SORBS2: variants seen among roughly 807,000 people sequenced by gnomAD.
The protein encoded by SORBS2 is sorbin and SH3 domain containing 2.
In SORBS2, 46 loss-of-function variants were observed where a neutral mutation model predicts 97.7. The observed-to-expected ratio is 0.47, with a 90% CI of 0.37 to 0.60. The LOEUF (loss-of-function observed/expected upper bound fraction) is 0.60, where lower values mean the gene tolerates loss of function less well. Ranked by LOEUF, SORBS2 falls within the 20% of genes least tolerant of loss-of-function variation. The pLI is 0.00. For synonymous variants in SORBS2, 476 were observed against 473.4 expected, an observed-to-expected ratio of 1.01 and a Z score of -0.07; for missense variants, 1,316 against 1,282.3, an observed-to-expected ratio of 1.03 and a Z score of -0.40.
chr4:185,613,429 C>A (rs901300366), intron 11 of SORBS2, among the ~76,000 whole-genome samples: 26 of 152,144 alleles, frequency 1.7e-4, no homozygotes, highest in Non-Finnish European at 2.9e-5. Flanking sequence ...GCGGGCGGAT[C>A]ATGAGGTCAG....
At chr4:185,942,433 C>G (rs1411576847) in intron 1 of SORBS2, among the ~76,000 whole-genome samples, 2 of 151,842 alleles carry the variant, frequency 1.3e-5, no homozygotes, top group South Asian at 2.1e-4. Context: ...TCACTGCAAC[C>G]TCTGCCTCCC....
chr4:185,656,585 A>T (rs1301131412), intron 1 of SORBS2: 1 of 1,472,624 alleles, frequency 6.8e-7, no homozygotes, highest in Admixed American at 2.0e-5. Context: ...ATGCAGCTGC[A>T]GTCCCTCCCC....
At chr4:185,803,878 A>C (rs1332262969) in intron 1 of SORBS2, among the ~76,000 whole-genome samples, 1 of 152,198 alleles carries the variant, frequency 6.6e-6, no homozygotes, top group Admixed American at 6.5e-5. Flanking sequence ...CCTTCTCCCA[A>C]AACAGATATG....
chr4:185,899,392 C>T lies in SORBS2; in HGVS notation c.-338+56804G>A, dbSNP rs1435827965. On this transcript the variant is annotated intron_variant, in intron 1 of 20. Coordinates refer to the SORBS2 transcript ENST00000284776. ...TTTTATTTTAGAGTGTAGATTCTGT[C>T]GTTCTCGAAAATCTTTTTCATTTTG... is the stretch of plus-strand genomic sequence containing the variant. Among the ~76,000 whole-genome samples the T allele has an allele frequency of 4.0e-5, 6 of 150,674 alleles. No homozygotes were observed. The South Asian group carries it at 6.4e-4, about 16-fold the overall frequency.
At chr4:185,856,251 C>A (rs1464805021) in intron 1 of SORBS2, among the ~76,000 whole-genome samples, 1 of 152,188 alleles carries the variant, frequency 6.6e-6, no homozygotes, top group Non-Finnish European at 1.5e-5. Context: ...ATTCTAATTT[C>A]ATTCTTCCCA....
At chr4:185,592,293 C>G (rs73876113) in intron 13 of SORBS2, among the ~76,000 whole-genome samples, 2,258 of 152,302 alleles carry the variant, frequency 0.015, 51 homozygotes, top group African/African-American at 0.051. Context: ...TAAAATCCCA[C>G]TAATTCAGGC....
At chr4:185,954,000 C>T (rs1316619929) in intron 1 of SORBS2, among the ~76,000 whole-genome samples, 1 of 152,224 alleles carries the variant, frequency 6.6e-6, no homozygotes, top group Non-Finnish European at 1.5e-5. Flanking sequence ...CTTAAGTTAA[C>T]TCATCTCTTG....
intron 1 of SORBS2, among the ~76,000 whole-genome samples, chr4:185,819,798 G>A: frequency 6.6e-6 from 1 of 152,124 alleles, no homozygotes; most frequent in East Asian, 1.9e-4. Flanking sequence ...CAGACTCAAA[G>A]CATTGCCATC....
chr4:185,789,063 C>A (rs149070947), intron 1 of SORBS2, among the ~76,000 whole-genome samples: 4 of 152,180 alleles, frequency 2.6e-5, no homozygotes, highest in Non-Finnish European at 4.4e-5. Context: ...AACACACCTG[C>A]GCTCTGGACT....
At chr4:185,798,200 C>T (rs2099114743) in intron 1 of SORBS2, among the ~76,000 whole-genome samples, 2 of 152,194 alleles carry the variant, frequency 1.3e-5, no homozygotes, top group African/African-American at 2.4e-5. Context: ...AATTAGAATA[C>T]ATAATCCATT....
At chr4:185,666,806 G>C (rs189549988) in intron 4 of SORBS2, among the ~76,000 whole-genome samples, 128 of 152,260 alleles carry the variant, frequency 8.4e-4, no homozygotes, top group African/African-American at 3.0e-3. Context: ...AATGCAAATA[G>C]AGGTACCATG....
chr4:185,637,495 C>A (rs1353795968), intron 4 of SORBS2, among the ~76,000 whole-genome samples: 1 of 152,224 alleles, frequency 6.6e-6, no homozygotes, highest in Non-Finnish European at 1.5e-5. Flanking sequence ...ATTACTCTGG[C>A]AGTATATTAT....
intron 12 of SORBS2, among the ~76,000 whole-genome samples, chr4:185,604,121 G>A (rs568033934): frequency 7.9e-5 from 12 of 152,150 alleles, no homozygotes; most frequent in Non-Finnish European, 1.6e-4. Context: ...TTCTTATTAT[G>A]ATATACATTT....
intron 4 of SORBS2, among the ~76,000 whole-genome samples, chr4:185,643,215 G>A (rs972422462): frequency 1.1e-4 from 17 of 152,240 alleles, no homozygotes; most frequent in Non-Finnish European, 2.2e-4. Flanking sequence ...ACTGTGCTGG[G>A]ACCTGGAGGA....
At chr4:185,953,756 C>A (rs1043241764) in intron 1 of SORBS2, among the ~76,000 whole-genome samples, 3 of 152,200 alleles carry the variant, frequency 2.0e-5, no homozygotes, top group Non-Finnish European at 4.4e-5. Flanking sequence ...TTTTATCACA[C>A]CTTTATAATT....
intron 1 of SORBS2, among the ~76,000 whole-genome samples, chr4:185,803,215 T>C (rs1273883985): frequency 1.3e-5 from 2 of 152,162 alleles, no homozygotes; most frequent in Non-Finnish European, 2.9e-5. Flanking sequence ...CTGAGGAGCC[T>C]GGGAATGAGG....
intron 1 of SORBS2, among the ~76,000 whole-genome samples, chr4:185,915,883 AG>A (rs1481501118): frequency 6.6e-6 from 1 of 152,200 alleles, no homozygotes; most frequent in African/African-American, 2.4e-5. Flanking sequence ...TGCAATAAGA[AG>A]GTTTGTAGGT....
chr4:185,904,665 C>T (rs2099249711), intron 1 of SORBS2, among the ~76,000 whole-genome samples: 3 of 152,206 alleles, frequency 2.0e-5, no homozygotes, highest in African/African-American at 7.2e-5. Flanking sequence ...AACCGTACAT[C>T]TGATTTTGGT....
Position 185,844,006 on chromosome 4 carries a change from A to G in SORBS2, c.-337-68640T>C, listed in dbSNP as rs940085294. Among the ~76,000 whole-genome samples, 3 of 152,220 alleles carry G rather than the reference A, an allele frequency of 2.0e-5. No homozygotes were observed. The South Asian group carries it at 6.2e-4, about 32-fold the overall frequency. ...TACAGTGTTGAAGACTGTACACTCT[A>G]TGAGTATATGAGATAACACATCCCT... On this transcript the variant is annotated intron_variant, in intron 1 of 20. Transcript: ENST00000284776.
Sources: allele counts gnomAD v4.1 joint callset (sites outside exome capture counted in the v4.1 genomes callset), GRCh38; gene constraint gnomAD v4.1.1; transcripts MANE v1.5; gene names NCBI Gene and HGNC (gene_info 2026-07-23, HGNC 2026-07-21).